UCHL5: variants seen among roughly 807,000 people sequenced by gnomAD.
UCHL5 encodes ubiquitin C-terminal hydrolase L5, also known as ubiquitin carboxyl-terminal hydrolase isozyme L5.
UCHL5 carries 34 observed loss-of-function variants against 53.8 expected under a neutral mutation model. That is an observed-to-expected ratio of 0.63 (90% confidence interval 0.48 to 0.84). The LOEUF is 0.84. UCHL5 is among the 40% of genes least tolerant of loss of function. The pLI is 0.00. For missense variants in UCHL5, 290 were observed against 385.6 expected, an observed-to-expected ratio of 0.75 and a Z score of 2.08; for synonymous variants, 111 against 126.3, an observed-to-expected ratio of 0.88 and a Z score of 0.81.
In UCHL5 at chr1:193,029,458, AT is replaced by A. The variant is rs762394887; in HGVS notation, c.373-10del. ...AGTGCCAAGCCTTTCATCTAAAATA[AT>A]TTTTTAAAGTAGCCTATTAATATAC... On this transcript the variant is annotated splice_polypyrimidine_tract_variant and intron_variant, in intron 4 of 10. Coordinates refer to ENST00000367454, the MANE Select transcript of UCHL5 (RefSeq NM_001199261.3). 2.0e-5 allele frequency: 33 copies of A among 1,613,490 alleles called. 1 individual carries two copies. In the East Asian group the frequency reaches 6.5e-4, roughly 32 times the overall value.
chr1:193,027,700 G>A (rs1003336228), intron 7 of UCHL5, among the ~76,000 whole-genome samples: 4 of 151,842 alleles, frequency 2.6e-5, no homozygotes, highest in Non-Finnish European at 5.9e-5. Context: ...ATAAAAAAAA[G>A]AAAATAAAAA....
chr1:193,022,898 T>C, intron 9 of UCHL5, 28 bp downstream of exon 9: 1 of 1,505,946 alleles, frequency 6.6e-7, no homozygotes, highest in Non-Finnish European at 9.2e-7. Flanking sequence ...TATTAAAACA[T>C]TAAAGGAACA....
chr1:193,016,893 AT>A (rs909957582), intron 10 of UCHL5, among the ~76,000 whole-genome samples: 1 of 151,932 alleles, frequency 6.6e-6, no homozygotes, highest in African/African-American at 2.4e-5. Flanking sequence ...CTAAAAAAAA[AT>A]GTTTTTACAT....
In UCHL5 at chr1:193,029,436, G is replaced by C; in HGVS notation, c.386C>G (p.Ala129Gly). The part of the protein sequence containing the change: ...QSFDAAMKGL[A>G]LSNSDVIRQV... ...TCGAATCACATCTGAATTGCTCAGTGCCAAGCCTTTCATCTAAAATAATTT... is the reference window on the plus strand; with the variant it reads ...TCGAATCACATCTGAATTGCTCAGTCCCAAGCCTTTCATCTAAAATAATTT... The change falls in exon 5 of 11, where the codon GCA (alanine) becomes GGA (glycine). Residue 129 changes from alanine (A) to glycine (G), a missense_variant. Ala to Gly is a moderately conservative substitution (Grantham distance 60). Transcript: ENST00000367454. The C allele has an allele frequency of 1.6e-5, 26 of 1,613,586 alleles. No homozygotes were observed. Among genetic ancestry groups the C allele is most frequent in the Non-Finnish European group, 2.2e-5 (26 of 1,179,828 alleles).
At chr1:193,050,584 C>A (rs1668693889) in intron 2 of UCHL5, among the ~76,000 whole-genome samples, 1 of 151,512 alleles carries the variant, frequency 6.6e-6, no homozygotes, top group African/African-American at 2.4e-5. Flanking sequence ...AAAACAAAAA[C>A]AAAACAAAAA....
rs1209961753 is a variant in UCHL5, at chr1:193,013,854, T to C, written c.*2497A>G. 2 of 152,188 alleles carry C rather than the reference T, an allele frequency of 1.3e-5. No homozygotes were observed. The highest frequency in any genetic ancestry group is 2.1e-4 in the South Asian group (1 of 4,834). The allele number at this position is 152,188 out of a possible 1,614,324, so 9.4% of individuals were successfully genotyped here. On this transcript the variant is annotated 3_prime_UTR_variant, in exon 11 of 11. Transcript: ENST00000367454. ...TTCCCGAGCAAATATTTGTCTGTTT[T>C]AGTGGCACAGTCGAGCTGACTGCTG...
At position 193,029,260 on chromosome 1, in the gene UCHL5, C is replaced by G. The variant is rs767838915; in HGVS notation, c.484G>C (p.Ala162Pro). The change falls in exon 6 of 11, where the codon GCT becomes CCT. Residue 162 changes from alanine (A) to proline (P), a missense_variant. Transcript: ENST00000367454. ...GGAACATAACTGACAAAGTGAAAAG[C>G]ATCTTCTTCTTTTGCTGATGTCTTC... The part of the protein sequence containing the change: ...DTKTSAKEED[A>P]FHFVSYVPVN... 9.3e-6 allele frequency: 15 copies of G among 1,613,712 alleles called. No individual in the cohort carries two copies. The highest frequency in any genetic ancestry group is 1.2e-5 in the Non-Finnish European group (14 of 1,179,828).
chr1:193,012,966 T>C lies in UCHL5; in HGVS notation c.*3385A>G, dbSNP rs1013166644. Reference sequence around the variant, plus strand: ...TCATTGGATTTAGGCCAGTTAACAATATACTAAAGAACAAACTAAATAACA... The same window carrying C: ...TCATTGGATTTAGGCCAGTTAACAACATACTAAAGAACAAACTAAATAACA... On this transcript the variant is annotated 3_prime_UTR_variant, in exon 11 of 11. Transcript: ENST00000367454. The C allele has an allele frequency of 6.6e-6, 1 of 152,176 alleles. No individual in the cohort carries two copies. Among genetic ancestry groups the C allele is most frequent in the African/African-American group, 2.4e-5 (1 of 41,454 alleles). 9.4% of individuals were successfully genotyped at this position (152,176 alleles called of 1,614,324 possible).
At chr1:193,037,888 A>G (rs4617386) in intron 3 of UCHL5, among the ~76,000 whole-genome samples, 1 of 99,896 alleles carries the variant, frequency 1.0e-5, no homozygotes, top group Non-Finnish European at 2.0e-5. Context: ...AACTTAAAGT[A>G]TTAAAAAAAA....
In UCHL5 at chr1:193,059,331, A is replaced by G; in HGVS notation, c.-71T>C. 6.2e-7 allele frequency: 1 copy of G among 1,607,088 alleles called. No homozygotes were observed. Among genetic ancestry groups the G allele is most frequent in the East Asian group, 2.2e-5 (1 of 44,678 alleles). ...CCCCCCGCACCAGCTGCCGCCGGCC[A>G]CAGATCTCAGCAAACCCGCCGCCGA... On this transcript the variant is annotated 5_prime_UTR_variant, in exon 1 of 11. Transcript: ENST00000367454. The surrounding 1 kb of genome is among the most constrained non-coding windows in gnomAD (Gnocchi z 4.9).
At chr1:193,054,424 T>TA (rs1670022054) in intron 1 of UCHL5, among the ~76,000 whole-genome samples, 1 of 152,174 alleles carries the variant, frequency 6.6e-6, no homozygotes, top group African/African-American at 2.4e-5. Context: ...AACACTCCCA[T>TA]ATGTCTTCCA....
chr1:193,044,035 C>T (rs948932434), intron 3 of UCHL5, among the ~76,000 whole-genome samples: 6 of 152,068 alleles, frequency 3.9e-5, no homozygotes, highest in African/African-American at 9.7e-5. Context: ...TCTGGGGATC[C>T]CCCCACCACA....
At chr1:193,043,551 G>A (rs1196364292) in intron 3 of UCHL5, among the ~76,000 whole-genome samples, 1 of 152,194 alleles carries the variant, frequency 6.6e-6, no homozygotes, top group Admixed American at 6.5e-5. Flanking sequence ...TGGTTCCTGG[G>A]AGATGAGTTC....
intron 8 of UCHL5, 100 bp from the exon 9 acceptor site, chr1:193,023,136 T>C: frequency 1.1e-6 from 1 of 902,042 alleles, no homozygotes; most frequent in Non-Finnish European, 1.7e-6. Context: ...TTTCAAATTT[T>C]TACTCTTCAT....
intron 3 of UCHL5, among the ~76,000 whole-genome samples, chr1:193,046,848 C>A (rs1438477955): frequency 1.3e-5 from 2 of 150,230 alleles, no homozygotes; most frequent in Non-Finnish European, 3.0e-5. Flanking sequence ...TAAAAAAAAA[C>A]AAAATATTTT....
chr1:193,021,174 G>A lies in UCHL5; in HGVS notation c.865C>T (p.His289Tyr). 1 of 1,607,286 alleles carries A rather than the reference G, an allele frequency of 6.2e-7. No homozygotes were observed. The highest frequency in any genetic ancestry group is 8.5e-7 in the Non-Finnish European group (1 of 1,175,506). The change falls in exon 10 of 11, where the codon CAT becomes TAT. Residue 289 changes from histidine to tyrosine, a missense_variant. His to Tyr is a moderately conservative substitution (Grantham distance 83, BLOSUM62 2). Transcript: ENST00000367454. ...RYKIENIRRK[H>Y]NYLPFIMELL... is the part of the protein sequence containing the mutation. ...TCCATAATGAAAGGCAGATAATTAT[G>A]CTTCCTTCTGATATTCTCAATCTGA...
chr1:193,044,663 C>A (rs1358512251), intron 3 of UCHL5, among the ~76,000 whole-genome samples: 1 of 152,024 alleles, frequency 6.6e-6, no homozygotes, highest in East Asian at 1.9e-4. Context: ...ATCTGTATAA[C>A]CTTATCAAAT....
rs544381323 is a variant in UCHL5 at position 193,014,400 on chromosome 1, A to C, written c.*1951T>G. ...TACCTATTAATATAGTCATTTTACA[A>C]GGATATTTTTCAAATGTCATTTGAT... is the stretch of plus-strand genomic sequence containing the variant. On this transcript the variant is annotated 3_prime_UTR_variant, in exon 11 of 11. Transcript: ENST00000367454. 1.6e-4 allele frequency: 24 copies of C among 152,302 alleles called. No homozygotes were observed. The highest frequency in any genetic ancestry group is 2.9e-4 in the Non-Finnish European group (20 of 68,010). 9.4% of individuals were successfully genotyped at this position (152,302 alleles called of 1,614,324 possible).
At chr1:193,024,717 A>G (rs1658497025) in intron 7 of UCHL5, among the ~76,000 whole-genome samples, 1 of 151,718 alleles carries the variant, frequency 6.6e-6, no homozygotes, top group South Asian at 2.1e-4. Context: ...GTAGCAACTG[A>G]CATTAAAAGC....
Sources: gnomAD v4.1 joint callset for allele counts (sites outside exome capture counted in the v4.1 genomes callset) on GRCh38, gnomAD v4.1.1 for gene constraint, Gnocchi (gnomAD v3.1) non-coding constraint, MANE v1.5 for transcripts, NCBI Gene and HGNC (gene_info 2026-07-23, HGNC 2026-07-21) for gene names.